NXPE1: variants seen among roughly 807,000 people sequenced by gnomAD.
The protein encoded by NXPE1 is NXPE family member 1.
In NXPE1, 31 loss-of-function variants were observed where a neutral mutation model predicts 33.3. The observed-to-expected ratio is 0.93, with a 90% CI of 0.70 to 1.26. The LOEUF (loss-of-function observed/expected upper bound fraction) is 1.26, where lower values mean the gene tolerates loss of function less well. NXPE1 is among the 50% of genes most tolerant of loss of function. NXPE1 has a pLI of 0.00. For missense variants in NXPE1, 661 were observed against 655.6 expected, an observed-to-expected ratio of 1.01 and a Z score of -0.09; for synonymous variants, 229 against 231.4, an observed-to-expected ratio of 0.99 and a Z score of 0.09.
chr11:114,531,234 A>C (rs955713388), intron 5 of NXPE1, among the ~76,000 whole-genome samples: 2 of 152,226 alleles, frequency 1.3e-5, no homozygotes, highest in Non-Finnish European at 2.9e-5. Flanking sequence ...TATTCAATCC[A>C]AAATATATAG....
At chr11:114,532,388 A>G (rs1242772385) in intron 5 of NXPE1, among the ~76,000 whole-genome samples, 1 of 152,152 alleles carries the variant, frequency 6.6e-6, no homozygotes, top group African/African-American at 2.4e-5. Context: ...GAAAATATAA[A>G]AAACTTACAT....
intron 8 of NXPE1, 92 bp from the exon 9 acceptor site, chr11:114,522,595 C>T (rs1226637986): frequency 3.8e-6 from 4 of 1,046,828 alleles, no homozygotes; most frequent in Non-Finnish European, 5.4e-6. Flanking sequence ...CCCACCCTAC[C>T]TAGATAATTG....
chr11:114,527,714 G>A (rs1947417966), intron 7 of NXPE1, 126 bp downstream of exon 7: 6 of 586,198 alleles, frequency 1.0e-5, no homozygotes, highest in Non-Finnish European at 1.8e-5. Flanking sequence ...TCCCTTTAAA[G>A]TCCAGCATGA....
chr11:114,522,113 A>C, exon 9 of NXPE1: 1 of 1,613,998 alleles, frequency 6.2e-7, no homozygotes, highest in South Asian at 1.1e-5. Flanking sequence ...CTTCATGATA[A>C]GATAGTGAAT....
intron 5 of NXPE1, among the ~76,000 whole-genome samples, chr11:114,547,438 A>G (rs904809531): frequency 6.6e-6 from 1 of 152,208 alleles, no homozygotes; most frequent in Admixed American, 6.5e-5. Flanking sequence ...AGAAGTGACA[A>G]TGAAATATAA....
At chr11:114,535,173 A>G (rs913693489) in intron 5 of NXPE1, among the ~76,000 whole-genome samples, 3 of 152,146 alleles carry the variant, frequency 2.0e-5, no homozygotes, top group Admixed American at 6.5e-5. Flanking sequence ...TTCATATCCA[A>G]CCAAACTAAG....
At chr11:114,552,551 C>T (rs1439763900) in intron 2 of NXPE1, among the ~76,000 whole-genome samples, 1 of 151,700 alleles carries the variant, frequency 6.6e-6, no homozygotes, top group East Asian at 1.9e-4. Flanking sequence ...CATATTTTCT[C>T]GGAATGTACA....
intron 5 of NXPE1, among the ~76,000 whole-genome samples, chr11:114,534,559 A>T (rs1177028807): frequency 6.6e-6 from 1 of 152,230 alleles, no homozygotes; most frequent in African/African-American, 2.4e-5. Flanking sequence ...TGAATGGATA[A>T]CTAGAATAAT....
chr11:114,559,721 G>C (rs1420083448), intron 1 of NXPE1, 77 bp downstream of exon 1: 1 of 151,392 alleles, frequency 6.6e-6, no homozygotes, highest in African/African-American at 2.4e-5. Flanking sequence ...CTTTTGCTTT[G>C]TTCTTCCCTG....
rs574162782 is a variant in NXPE1, at chr11:114,534,129, A to G, written c.100-3221T>C. 4.6e-5 allele frequency among the ~76,000 whole-genome samples: 7 copies of G among 152,302 alleles called. No homozygotes were observed. In the East Asian group the frequency reaches 1.4e-3, roughly 29 times the overall value. ...AGGCAGCAGCATTTGCGGTTAACCA[A>G]TATCCGCTGTTCTGCAGCCACCACT... On this transcript the variant is annotated intron_variant, in intron 5 of 8. Coordinates refer to ENST00000534921, the Ensembl canonical transcript of NXPE1.
At chr11:114,528,729 GA>G in intron 6 of NXPE1, 1 of 552,304 alleles carries the variant, frequency 1.8e-6, no homozygotes, top group Non-Finnish European at 3.4e-6. Flanking sequence ...GAAAGTGGAG[GA>G]AGGAAGAAAG....
intron 5 of NXPE1, among the ~76,000 whole-genome samples, chr11:114,544,245 A>T (rs1416502637): frequency 2.0e-5 from 3 of 152,188 alleles, no homozygotes; most frequent in Admixed American, 6.5e-5. Flanking sequence ...GAAATTTTAT[A>T]TGGAAAGGTA....
At chr11:114,542,440 G>T (rs1259040071) in intron 5 of NXPE1, among the ~76,000 whole-genome samples, 1 of 152,106 alleles carries the variant, frequency 6.6e-6, no homozygotes, top group African/African-American at 2.4e-5. Flanking sequence ...AGGATTTATG[G>T]TAAGGATGAA....
chr11:114,524,175 T>C (rs1413366128), intron 7 of NXPE1, among the ~76,000 whole-genome samples: 3 of 152,206 alleles, frequency 2.0e-5, no homozygotes, highest in Non-Finnish European at 4.4e-5. Context: ...GTTTTGCTTT[T>C]AAAGCATGAC....
chr11:114,527,445 T>C (rs1182489328), intron 7 of NXPE1, among the ~76,000 whole-genome samples: 1 of 152,174 alleles, frequency 6.6e-6, no homozygotes, highest in African/African-American at 2.4e-5. Context: ...AGATGAAAGC[T>C]CCATATAAAA....
At chr11:114,554,191 T>C (rs1948596121) in intron 1 of NXPE1, 13 of 983,570 alleles carry the variant, frequency 1.3e-5, no homozygotes, top group Non-Finnish European at 1.4e-5. Context: ...TCAGCTGTAA[T>C]AGAAACTTGT....
chr11:114,520,685 T>C (rs1422500870), downstream of NXPE1, among the ~76,000 whole-genome samples: 2 of 152,204 alleles, frequency 1.3e-5, no homozygotes, highest in Non-Finnish European at 2.9e-5. Flanking sequence ...TGCCATACTG[T>C]TTTCCATAAT....
intron 5 of NXPE1, 100 bp downstream of exon 5, chr11:114,551,003 G>T: frequency 1.5e-6 from 1 of 647,644 alleles, no homozygotes; most frequent in Non-Finnish European, 2.7e-6. Flanking sequence ...AGTTGAGGTG[G>T]GGGAGGAGGG....
intron 7 of NXPE1, among the ~76,000 whole-genome samples, chr11:114,525,996 T>C (rs1213850559): frequency 6.6e-6 from 1 of 152,170 alleles, no homozygotes; most frequent in Admixed American, 6.5e-5. Context: ...GGAGAGACTA[T>C]CCTGGATTAC....
Sources: gnomAD v4.1 joint callset for allele counts (sites outside exome capture counted in the v4.1 genomes callset) on GRCh38, gnomAD v4.1.1 for gene constraint, MANE v1.5 for transcripts, NCBI Gene and HGNC (gene_info 2026-07-23, HGNC 2026-07-21) for gene names.